SLC22A9: variants seen among roughly 807,000 people sequenced by gnomAD.
SLC22A9 encodes solute carrier family 22 member 9.
A neutral mutation model predicts 50.1 loss-of-function variants in SLC22A9; 64 were observed. The ratio of observed to expected loss-of-function variants is 1.28; its 90% CI spans 1.04 to 1.57. The LOEUF (loss-of-function observed/expected upper bound fraction) is 1.57, where lower values mean the gene tolerates loss of function less well. Ranked by LOEUF, SLC22A9 falls within the 40% of genes most tolerant of loss-of-function variation. The probability of loss-of-function intolerance (pLI) is 0.00; values close to 1 mark genes in which losing one functional copy is unlikely to be tolerated. For synonymous variants in SLC22A9, 261 were observed against 242.5 expected, an observed-to-expected ratio of 1.08 and a Z score of -0.71; for missense variants, 757 against 676.1, an observed-to-expected ratio of 1.12 and a Z score of -1.33.
chr11:63,407,572 T>C (rs977098616), intron 7 of SLC22A9, among the ~76,000 whole-genome samples: 2 of 152,190 alleles, frequency 1.3e-5, no homozygotes, highest in African/African-American at 2.4e-5. Flanking sequence ...TGACTTTTTT[T>C]CCTCTTTTCG....
chr11:63,384,512 G>A (rs1205899518), intron 6 of SLC22A9, among the ~76,000 whole-genome samples: 1 of 152,140 alleles, frequency 6.6e-6, no homozygotes, highest in South Asian at 2.1e-4. Flanking sequence ...TGGTGTACAT[G>A]TACCACATTT....
chr11:63,409,122 G>C (rs1230752295), intron 9 of SLC22A9, among the ~76,000 whole-genome samples: 1 of 152,128 alleles, frequency 6.6e-6, no homozygotes, highest in Non-Finnish European at 1.5e-5. Context: ...AGGCTTCATA[G>C]TGAAGAAGCC....
At chr11:63,400,241 TAAAC>T (rs1400127634) in intron 6 of SLC22A9, among the ~76,000 whole-genome samples, 2 of 151,150 alleles carry the variant, frequency 1.3e-5, no homozygotes, top group Non-Finnish European at 3.0e-5. Context: ...TTGTGAAAAA[TAAAC>T]AACATCAACA....
At chr11:63,391,616 G>A (rs1174759959) in intron 6 of SLC22A9, among the ~76,000 whole-genome samples, 1 of 151,768 alleles carries the variant, frequency 6.6e-6, no homozygotes, top group South Asian at 2.1e-4. Context: ...TCTCTGATGA[G>A]TGTATCTACT....
chr11:63,373,430 G>A (rs566677540), intron 2 of SLC22A9, among the ~76,000 whole-genome samples: 35 of 152,246 alleles, frequency 2.3e-4, no homozygotes, highest in African/African-American at 8.4e-4. Context: ...ATACTGCTAA[G>A]AGATTGGAAA....
At chr11:63,378,110 A>G (rs1048331650) in intron 5 of SLC22A9, among the ~76,000 whole-genome samples, 1 of 152,032 alleles carries the variant, frequency 6.6e-6, no homozygotes, top group African/African-American at 2.4e-5. Context: ...GCTAAATTCT[A>G]CCAGACATGT....
At chr11:63,408,569 C>T in intron 8 of SLC22A9, 107 bp from the exon 9 acceptor site, 13 of 1,005,578 alleles carry the variant, frequency 1.3e-5, no homozygotes, top group Non-Finnish European at 1.9e-5. Context: ...TATTTCATCA[C>T]CTCTGTGTGT....
At chr11:63,408,543 A>G in intron 8 of SLC22A9, 133 bp from the exon 9 acceptor site, 1 of 820,614 alleles carries the variant, frequency 1.2e-6, no homozygotes, top group Non-Finnish European at 1.9e-6. Flanking sequence ...AAAAGTGAAA[A>G]TTTCAAACAC....
rs149124193 is a variant in SLC22A9 at position 63,385,106 on chromosome 11, GTTTTTTTT to G, written c.1073+2843_1073+2850del. ...CTTGCCTGTTCACTCTGATGATACAGTTTTTTTTTTTTTTTTTTTTTGCTGTGCAGAAG... is the reference window on the plus strand; with the variant it reads ...CTTGCCTGTTCACTCTGATGATACAGTTTTTTTTTTTTTGCTGTGCAGAAG... On this transcript the variant is annotated intron_variant, in intron 6 of 9. Transcript: ENST00000279178. Among the ~76,000 whole-genome samples, 109 of 76,534 alleles carry G rather than the reference GTTTTTTTT, an allele frequency of 1.4e-3. 1 individual carries two copies. Among genetic ancestry groups the G allele is most frequent in the Non-Finnish European group, 2.0e-3 (86 of 41,988 alleles). The allele number at this position is 76,534 out of a possible 152,430, so 50.2% of individuals were successfully genotyped here. A position where few individuals can be genotyped will look rare whatever the true frequency, so the allele number is the denominator to read the frequency against.
chr11:63,372,296 C>T (rs1021992391), intron 2 of SLC22A9, among the ~76,000 whole-genome samples: 6 of 150,724 alleles, frequency 4.0e-5, no homozygotes, highest in Non-Finnish European at 8.9e-5. Context: ...GAATAACTCA[C>T]TCAACTGTTT....
intron 6 of SLC22A9, among the ~76,000 whole-genome samples, 180 bp from the exon 7 acceptor site, chr11:63,406,317 T>C (rs2015035072): frequency 6.6e-6 from 1 of 152,198 alleles, no homozygotes; most frequent in African/African-American, 2.4e-5. Context: ...AATAGTTCCA[T>C]AATGTTATCA....
At chr11:63,409,748 T>A in intron 9 of SLC22A9, 54 bp from the exon 10 acceptor site, 2 of 1,542,300 alleles carry the variant, frequency 1.3e-6, no homozygotes, top group Non-Finnish European at 1.8e-6. Flanking sequence ...ACATGTTTAG[T>A]CCATGTCTTT....
intron 2 of SLC22A9, 113 bp from the exon 3 acceptor site, chr11:63,373,531 T>C: frequency 9.1e-7 from 1 of 1,098,564 alleles, no homozygotes; most frequent in Non-Finnish European, 1.2e-6. Flanking sequence ...AGGCTTCAAA[T>C]GCAAAGTTTC....
chr11:63,382,241 A>C lies in SLC22A9; in HGVS notation c.1037A>C (p.Asn346Thr), dbSNP rs777426480. The change falls in exon 6 of 10, where the codon AAC (asparagine) becomes ACC (threonine). Residue 346 changes from asparagine (N) to threonine (T), a missense_variant. Coordinates refer to ENST00000279178, the MANE Select transcript of SLC22A9 (RefSeq NM_080866.3). ...PSLCEMLHMP[N>T]ICKRISLLSF... is the part of the protein sequence containing the mutation. Reference sequence around the variant, plus strand: ...CTGTGTGAAATGCTCCACATGCCCAACATATGTAAAAGGATCTCCCTCCTG... The same window carrying C: ...CTGTGTGAAATGCTCCACATGCCCACCATATGTAAAAGGATCTCCCTCCTG... 1 of 1,609,808 alleles carries C rather than the reference A, an allele frequency of 6.2e-7. No individual in the cohort carries two copies. The highest frequency in any genetic ancestry group is 8.5e-7 in the Non-Finnish European group (1 of 1,178,776).
At chr11:63,389,862 A>G (rs1048831911) in intron 6 of SLC22A9, among the ~76,000 whole-genome samples, 3 of 152,246 alleles carry the variant, frequency 2.0e-5, no homozygotes, top group Admixed American at 1.3e-4. Flanking sequence ...AGACTTTTTA[A>G]TGATCACCAT....
At chr11:63,398,855 T>A (rs139037215) in intron 6 of SLC22A9, among the ~76,000 whole-genome samples, 2 of 152,224 alleles carry the variant, frequency 1.3e-5, no homozygotes, top group East Asian at 3.8e-4. Context: ...TTAAATTTTC[T>A]GTTTCTGTGG....
intron 6 of SLC22A9, among the ~76,000 whole-genome samples, chr11:63,398,392 T>C (rs1338268913): frequency 6.6e-6 from 1 of 151,870 alleles, no homozygotes; most frequent in African/African-American, 2.4e-5. Context: ...AGCACCAGGG[T>C]TTGCCTAGGA....
At position 63,409,014 on chromosome 11, in the gene SLC22A9, T is replaced by C; in HGVS notation, c.1601+135T>C. On this transcript the variant is annotated intron_variant, in intron 9 of 9. Coordinates refer to ENST00000279178, the MANE Select transcript of SLC22A9 (RefSeq NM_080866.3). Reference sequence around the variant, plus strand: ...GGATTTTCCCATGTAATCAGTGCCTTAGGTCTAGGTACAGCCACATGCCTT... The same window carrying C: ...GGATTTTCCCATGTAATCAGTGCCTCAGGTCTAGGTACAGCCACATGCCTT... 4.4e-6 allele frequency: 4 copies of C among 917,994 alleles called. No homozygotes were observed. The Admixed American group carries it at 5.8e-5, about 13-fold the overall frequency. The allele number at this position is 917,994 out of a possible 1,614,324, so 56.9% of individuals were successfully genotyped here.
intron 6 of SLC22A9, among the ~76,000 whole-genome samples, chr11:63,398,037 C>A (rs1457823632): frequency 6.6e-6 from 1 of 152,180 alleles, no homozygotes; most frequent in African/African-American, 2.4e-5. Context: ...CAAGGCCAAT[C>A]GAGTGAACTA....
Sources: allele counts gnomAD v4.1 joint callset (sites outside exome capture counted in the v4.1 genomes callset), GRCh38; gene constraint gnomAD v4.1.1; transcripts MANE v1.5; gene names NCBI Gene and HGNC (gene_info 2026-07-23, HGNC 2026-07-21).